SEC14L5: variants seen among roughly 807,000 people sequenced by gnomAD.
SEC14L5 encodes the protein SEC14-like protein 5.
SEC14L5 carries 96 observed loss-of-function variants against 84.6 expected under a neutral mutation model. The ratio of observed to expected loss-of-function variants is 1.13; its 90% CI spans 0.96 to 1.34. The LOEUF is 1.34. Ranked by LOEUF, SEC14L5 falls within the 40% of genes most tolerant of loss-of-function variation. The pLI is 0.00. For synonymous variants in SEC14L5, 546 were observed against 383.4 expected, an observed-to-expected ratio of 1.42 and a Z score of -4.95; for missense variants, 1,224 against 942.5, an observed-to-expected ratio of 1.30 and a Z score of -3.91.
Position 5,003,398 on chromosome 16 carries a change from A to G in SEC14L5, c.1131-4A>G, listed in dbSNP as rs1955697252. ...AGGTGGAGCTGGGGCTATTTCTGCC[A>G]CAGCTCCTGGACCTGCCTGCTAGAC... On this transcript the variant is annotated splice_region_variant and splice_polypyrimidine_tract_variant and intron_variant, in intron 10 of 15. Transcript: ENST00000251170. The G allele has an allele frequency of 1.2e-6, 2 of 1,610,862 alleles. No individual in the cohort carries two copies. The highest frequency in any genetic ancestry group is 1.7e-5 in the Admixed American group (1 of 59,894).
chr16:5,001,351 C>T (rs948057098), intron 10 of SEC14L5, among the ~76,000 whole-genome samples: 1 of 151,450 alleles, frequency 6.6e-6, no homozygotes, highest in South Asian at 2.1e-4. Flanking sequence ...CTCTGCCTTC[C>T]GGGTTCAAGC....
In SEC14L5 at chr16:4,990,901, C is replaced by A; in HGVS notation, c.474+6C>A. 6.4e-7 allele frequency: 1 copy of A among 1,569,392 alleles called. No individual in the cohort carries two copies. Among genetic ancestry groups the A allele is most frequent in the South Asian group, 1.2e-5 (1 of 84,888 alleles). On this transcript the variant is annotated splice_donor_region_variant and intron_variant, in intron 5 of 15. Coordinates refer to ENST00000251170, the MANE Select transcript of SEC14L5 (RefSeq NM_014692.2). ...ACACCGCCAACGTCAAGAGGGTAAGCGGTGGGTTGCGTTAGTTACTGGAGG... is the reference window on the plus strand; with the variant it reads ...ACACCGCCAACGTCAAGAGGGTAAGAGGTGGGTTGCGTTAGTTACTGGAGG...
At chr16:5,002,884 C>G (rs921941339) in intron 10 of SEC14L5, among the ~76,000 whole-genome samples, 3 of 152,220 alleles carry the variant, frequency 2.0e-5, no homozygotes, top group African/African-American at 7.2e-5. Flanking sequence ...ATCTTTTCAA[C>G]AATTAACTCA....
intron 12 of SEC14L5, among the ~76,000 whole-genome samples, chr16:5,006,623 T>C (rs995380375): frequency 6.6e-6 from 1 of 152,188 alleles, no homozygotes; most frequent in Non-Finnish European, 1.5e-5. Flanking sequence ...GCCCTCTTTG[T>C]TTCTAACAGA....
intron 14 of SEC14L5, among the ~76,000 whole-genome samples, chr16:5,010,406 C>T (rs984676620): frequency 1.3e-5 from 2 of 151,918 alleles, no homozygotes; most frequent in Non-Finnish European, 2.9e-5. Flanking sequence ...AGAACTTGAA[C>T]GTGTAACTGG....
At chr16:4,963,869 T>C (rs948407864) in intron 2 of SEC14L5, among the ~76,000 whole-genome samples, 1 of 152,026 alleles carries the variant, frequency 6.6e-6, no homozygotes, top group Non-Finnish European at 1.5e-5. Context: ...AATACTTTTA[T>C]AGAAATGAGG....
At chr16:5,011,057 A>G in intron 14 of SEC14L5, 38 bp from the exon 15 acceptor site, 2 of 1,553,082 alleles carry the variant, frequency 1.3e-6, no homozygotes, top group South Asian at 2.4e-5. Context: ...TGTCCTCTGG[A>G]GGGCGCAGGG....
At chr16:4,962,215 A>C (rs1350964150) in intron 2 of SEC14L5, among the ~76,000 whole-genome samples, 4 of 151,946 alleles carry the variant, frequency 2.6e-5, no homozygotes, top group Admixed American at 6.6e-5. Context: ...AACAAAAACA[A>C]CAGAAAAACT....
intron 6 of SEC14L5, 21 bp downstream of exon 6, chr16:4,992,051 C>A: frequency 6.6e-7 from 1 of 1,510,670 alleles, no homozygotes. Context: ...CAGCCCAGGC[C>A]AGTCAGCCCT....
rs79955690 is a variant in SEC14L5, at chr16:4,988,987, G to T, written c.345+707G>T. On this transcript the variant is annotated intron_variant, in intron 4 of 15. Coordinates refer to ENST00000251170, the MANE Select transcript of SEC14L5 (RefSeq NM_014692.2). ...GTGGGAGTCAGAGAAGGTGGTAGGG[G>T]CACTGAAGCTGAGTGCTGAAGGATG... Among the ~76,000 whole-genome samples, 1,263 of 152,338 alleles carry T rather than the reference G, an allele frequency of 8.3e-3. 21 individuals carry two copies. The highest frequency in any genetic ancestry group is 0.028 in the African/African-American group (1,181 of 41,574).
chr16:4,977,932 C>G (rs1452970078), intron 2 of SEC14L5, among the ~76,000 whole-genome samples: 2 of 150,882 alleles, frequency 1.3e-5, no homozygotes, highest in Non-Finnish European at 3.0e-5. Flanking sequence ...TCCCGAGTAG[C>G]TGGGATTACA....
chr16:4,974,602 AG>A (rs1955318577), intron 2 of SEC14L5, among the ~76,000 whole-genome samples: 1 of 103,674 alleles, frequency 9.6e-6, no homozygotes, highest in Non-Finnish European at 2.5e-5. Flanking sequence ...TTTGGGGTAC[AG>A]CTTTTTTTTT....
intron 15 of SEC14L5, 22 bp downstream of exon 15, chr16:5,011,295 G>A (rs754944205): frequency 1.8e-5 from 29 of 1,605,770 alleles, no homozygotes; most frequent in Non-Finnish European, 2.4e-5. Flanking sequence ...CCGGAGCGGG[G>A]TCCTGGGCAG....
In SEC14L5 at chr16:5,008,440, A is replaced by C. The variant is rs780943872; in HGVS notation, c.1592A>C (p.Glu531Ala). The change falls in exon 14 of 16, where the codon GAA becomes GCA. Residue 531 changes from glutamate (E) to alanine (A), a missense_variant. Transcript: ENST00000251170. The stretch of plus-strand genomic sequence containing the variant: ...ACACAGGTGGCCGTGGAGATCCTGG[A>C]AGGAGAGTCGGTCATCACCTGGGAC... Reference protein sequence around the residue: ...APHEVAVEILEGESVITWDFD... With the variant: ...APHEVAVEILAGESVITWDFD... 9 of 1,612,986 alleles carry C rather than the reference A, an allele frequency of 5.6e-6. No individual in the cohort carries two copies. The East Asian group carries it at 2.0e-4, about 36-fold the overall frequency.
intron 2 of SEC14L5, among the ~76,000 whole-genome samples, chr16:4,979,646 A>G (rs919378713): frequency 1.3e-5 from 2 of 152,162 alleles, no homozygotes; most frequent in Non-Finnish European, 2.9e-5. Flanking sequence ...AGGAGAAGGC[A>G]AGGCAGTTCT....
At chr16:4,995,598 C>G (rs1200625269) in intron 6 of SEC14L5, among the ~76,000 whole-genome samples, 1 of 151,408 alleles carries the variant, frequency 6.6e-6, no homozygotes, top group Non-Finnish European at 1.5e-5. Flanking sequence ...CTCTCTAGGC[C>G]TCAGTTTTAT....
intron 2 of SEC14L5, among the ~76,000 whole-genome samples, chr16:4,970,209 T>A (rs1418003156): frequency 6.6e-6 from 1 of 152,066 alleles, no homozygotes; most frequent in Non-Finnish European, 1.5e-5. Flanking sequence ...GAACCATTCA[T>A]CATGGGGAAA....
At chr16:4,968,535 C>A (rs1367927832) in intron 2 of SEC14L5, among the ~76,000 whole-genome samples, 1 of 152,226 alleles carries the variant, frequency 6.6e-6, no homozygotes, top group African/African-American at 2.4e-5. Flanking sequence ...CTATGTTGCC[C>A]ATGCTAGTCC....
rs1955793244 is a variant in SEC14L5 at position 5,011,004 on chromosome 16, G to A, written c.1801-91G>A. On this transcript the variant is annotated intron_variant, in intron 14 of 15. Coordinates refer to ENST00000251170, the MANE Select transcript of SEC14L5 (RefSeq NM_014692.2). ...AGAGGGAGAAGAGCCCCAATTTCCA[G>A]GCCTGGTGATGAGAAGCCCATGAAG... The A allele has an allele frequency of 3.1e-6, 4 of 1,287,136 alleles. No homozygotes were observed. The South Asian group carries it at 4.3e-5, about 14-fold the overall frequency. 79.7% of individuals were successfully genotyped at this position (1,287,136 alleles called of 1,614,324 possible). A position where few individuals can be genotyped will look rare whatever the true frequency, so the allele number is the denominator to read the frequency against.
Sources: gnomAD v4.1 joint callset for allele counts (sites outside exome capture counted in the v4.1 genomes callset) on GRCh38, gnomAD v4.1.1 for gene constraint, MANE v1.5 for transcripts, NCBI Gene and HGNC (gene_info 2026-07-23, HGNC 2026-07-21) for gene names.